NDP: variants seen among roughly 807,000 people sequenced by gnomAD.
The protein encoded by NDP is norrin cystine knot growth factor NDP.
A neutral mutation model predicts 8.4 loss-of-function variants in NDP; 2 were observed. That is an observed-to-expected ratio of 0.24 (90% CI 0.10 to 0.75). The LOEUF (loss-of-function observed/expected upper bound fraction) is 0.75, where lower values mean the gene tolerates loss of function less well. Among genes scored for constraint, NDP ranks in the 30% least tolerant of loss-of-function variants. The pLI is 0.73. For synonymous variants in NDP, 55 were observed against 45.6 expected (o/e 1.21, Z -0.83); for missense variants, 81 against 110.1 (o/e 0.74, Z 1.18).
intron 1 of NDP, among the ~76,000 whole-genome samples, chrX:43,972,775 T>C (rs1339892026): frequency 8.9e-6 from 1 of 112,783 alleles, no homozygotes; most frequent in Non-Finnish European, 1.9e-5. Context: ...AAATAAATGT[T>C]GCCTATTGTT....
intron 1 of NDP, chrX:43,969,512 G>T (rs768967786): frequency 6.2e-5 from 7 of 112,676 alleles, no homozygotes; most frequent in African/African-American, 2.3e-4. Flanking sequence ...GGCCTTTGCC[G>T]GAGATGTTCG....
Position 43,956,411 on chromosome X carries a change from T to C in NDP, c.174+2061A>G, listed in dbSNP as rs1489270322. Among the ~76,000 whole-genome samples the C allele has an allele frequency of 2.7e-5, 3 of 112,059 alleles. No individual in the cohort carries two copies. The East Asian group carries it at 8.4e-4, about 31-fold the overall frequency. On this transcript the variant is annotated intron_variant, in intron 2 of 2. Transcript: ENST00000642620. ...CAGTCTTTTCTTTGTAAAAAGAAGC[T>C]AGGGTAGATTGTTGTTGCCTCTTTT...
intron 1 of NDP, among the ~76,000 whole-genome samples, chrX:43,961,500 G>T (rs1297342224): frequency 1.8e-5 from 2 of 112,129 alleles, no homozygotes; most frequent in African/African-American, 6.5e-5. Flanking sequence ...TTAAAATGGA[G>T]AGAGATAAAA....
intron 1 of NDP, among the ~76,000 whole-genome samples, chrX:43,961,841 C>T (rs193277439): frequency 1.8e-5 from 2 of 111,395 alleles, no homozygotes; most frequent in African/African-American, 6.5e-5. Context: ...TCTTCCAGGG[C>T]GACCACATAG....
chrX:43,959,798 G>T (rs1255292472), intron 1 of NDP, among the ~76,000 whole-genome samples: 2 of 111,437 alleles, frequency 1.8e-5, no homozygotes, highest in East Asian at 5.6e-4. Context: ...AGGAAAATTG[G>T]GAGGGCCTGC....
intron 1 of NDP, among the ~76,000 whole-genome samples, chrX:43,960,580 C>T (rs2035820818): frequency 8.9e-6 from 1 of 112,107 alleles, no homozygotes; most frequent in Admixed American, 9.4e-5. Flanking sequence ...TCTGGGTTTT[C>T]CTATACACGT....
At chrX:43,972,489 G>A (rs1223870527) in intron 1 of NDP, among the ~76,000 whole-genome samples, 2 of 111,465 alleles carry the variant, frequency 1.8e-5, no homozygotes, top group Non-Finnish European at 3.8e-5. Flanking sequence ...ATTCCTACAG[G>A]TCCTGGTCTC....
At chrX:43,959,684 C>T (rs1174909380) in intron 1 of NDP, among the ~76,000 whole-genome samples, 1 of 111,795 alleles carries the variant, frequency 8.9e-6, no homozygotes, top group Non-Finnish European at 1.9e-5. Flanking sequence ...CCAGAGATCT[C>T]TCCAGATTAC....
chrX:43,958,291 C>T (rs990515357), intron 2 of NDP, among the ~76,000 whole-genome samples, 181 bp downstream of exon 2: 2 of 112,590 alleles, frequency 1.8e-5, no homozygotes, highest in African/African-American at 6.5e-5. Context: ...GGCACTTTTA[C>T]TGATAACAGT....
chrX:43,960,814 G>A (rs1417936764), intron 1 of NDP: 1 of 112,332 alleles, frequency 8.9e-6, no homozygotes, highest in East Asian at 2.8e-4. Context: ...ATGGCAAAAG[G>A]ATGAAGAGAG....
intron 1 of NDP, among the ~76,000 whole-genome samples, chrX:43,969,301 G>A (rs897855124): frequency 8.9e-6 from 1 of 111,892 alleles, no homozygotes; most frequent in East Asian, 2.8e-4. Flanking sequence ...GGCCAAATTA[G>A]AAGTCCTGTC....
chrX:43,955,996 G>A, intron 2 of NDP, among the ~76,000 whole-genome samples: 1 of 112,271 alleles, frequency 8.9e-6, no homozygotes, highest in Non-Finnish European at 1.9e-5. Context: ...CCAATATGAA[G>A]ATCCAAGTAG....
At chrX:43,951,621 A>G (rs2035762813) in intron 2 of NDP, among the ~76,000 whole-genome samples, 1 of 112,070 alleles carries the variant, frequency 8.9e-6, no homozygotes, top group Admixed American at 9.5e-5. Context: ...CCTGTAGGGC[A>G]GAATTAAACA....
chrX:43,964,360 G>A (rs927556893), intron 1 of NDP, among the ~76,000 whole-genome samples: 1 of 111,239 alleles, frequency 9.0e-6, no homozygotes, highest in Non-Finnish European at 1.9e-5. Flanking sequence ...TGAAGGACTA[G>A]AAATATAAAT....
chrX:43,950,081 G>A, intron 2 of NDP, 55 bp from the exon 3 acceptor site: 1 of 1,039,255 alleles, frequency 9.6e-7, no homozygotes, highest in East Asian at 3.3e-5. Flanking sequence ...CCTTAGCCAG[G>A]TAAAACAGCA....
intron 1 of NDP, among the ~76,000 whole-genome samples, chrX:43,968,980 A>AAGCC (rs2035874346): frequency 8.9e-6 from 1 of 111,887 alleles, no homozygotes; most frequent in Admixed American, 9.5e-5. Flanking sequence ...AAGGAATAGG[A>AAGCC]AGCCGCCTGG....
intron 2 of NDP, among the ~76,000 whole-genome samples, chrX:43,955,158 A>AT (rs1038782678): frequency 8.9e-6 from 1 of 112,267 alleles, no homozygotes; most frequent in African/African-American, 3.2e-5. Context: ...AATAAGGTTC[A>AT]TTTTCCTAAT....
chrX:43,968,483 C>T (rs961289102), intron 1 of NDP, among the ~76,000 whole-genome samples: 1 of 112,712 alleles, frequency 8.9e-6, no homozygotes, highest in Non-Finnish European at 1.9e-5. Context: ...CCTCCCCTGC[C>T]CTGCTGCACA....
chrX:43,964,127 C>A (rs1056285375), intron 1 of NDP, among the ~76,000 whole-genome samples: 1 of 111,500 alleles, frequency 9.0e-6, no homozygotes, highest in Non-Finnish European at 1.9e-5. Context: ...CAGAGTGCTA[C>A]CTTAGGAGAA....
Sources: allele counts gnomAD v4.1 joint callset (sites outside exome capture counted in the v4.1 genomes callset), GRCh38; gene constraint gnomAD v4.1.1; transcripts MANE v1.5; gene names NCBI Gene and HGNC (gene_info 2026-07-23, HGNC 2026-07-21).